The following ERCC6L2 variants were observed in gnomAD, a reference collection of about 807,000 sequenced individuals.
ERCC6L2 encodes the protein DNA excision repair protein ERCC-6-like 2.
In ERCC6L2, 77 loss-of-function variants were observed where a neutral mutation model predicts 132.0. The observed-to-expected ratio is 0.58, with a 90% CI of 0.49 to 0.71. The LOEUF (loss-of-function observed/expected upper bound fraction) is 0.71. ERCC6L2 is among the 30% of genes least tolerant of loss of function. The probability of loss-of-function intolerance (pLI) is 0.00; values close to 1 mark genes in which losing one functional copy is unlikely to be tolerated. For missense variants in ERCC6L2, 1,542 were observed against 1,837.6 expected, an observed-to-expected ratio of 0.84 and a Z score of 2.94; for synonymous variants, 583 against 632.4, an observed-to-expected ratio of 0.92 and a Z score of 1.17.
At chr9:95,996,599 G>A (rs568423686) in intron 17 of ERCC6L2, among the ~76,000 whole-genome samples, 17 of 152,328 alleles carry the variant, frequency 1.1e-4, no homozygotes, top group African/African-American at 4.1e-4. Context: ...GGGACTTTAA[G>A]TAGAAGCCAG....
chr9:96,038,746 A>T (rs1410928683), intron 19 of ERCC6L2: 1 of 405,910 alleles, frequency 2.5e-6, no homozygotes, highest in African/African-American at 2.1e-5. Context: ...GTGTCTGCAG[A>T]TTCTTTGATC....
At chr9:95,914,450 T>C (rs763431933) in intron 4 of ERCC6L2, among the ~76,000 whole-genome samples, 11 of 152,066 alleles carry the variant, frequency 7.2e-5, no homozygotes, top group Non-Finnish European at 1.2e-4. Flanking sequence ...GACTCCCTGG[T>C]TCAAGTGATT....
intron 12 of ERCC6L2, among the ~76,000 whole-genome samples, chr9:95,952,184 A>AAAAAAAAAAAAAT (rs1360334842): frequency 6.7e-6 from 1 of 150,266 alleles, no homozygotes; most frequent in Non-Finnish European, 1.5e-5. Flanking sequence ...AAAAAAAAAA[A>AAAAAAAAAAAAAT]AGAATTTGCA....
At chr9:95,991,583 A>G (rs2133159936) in intron 17 of ERCC6L2, among the ~76,000 whole-genome samples, 1 of 152,354 alleles carries the variant, frequency 6.6e-6, no homozygotes, top group East Asian at 1.9e-4. Flanking sequence ...GTCACTTCAA[A>G]GAAAACAATG....
In ERCC6L2 at chr9:96,008,681, A is replaced by C. The variant is rs577543132; in HGVS notation, c.3675-3544A>C. 5.3e-5 allele frequency among the ~76,000 whole-genome samples: 8 copies of C among 152,292 alleles called. No homozygotes were observed. In the East Asian group the frequency reaches 1.4e-3, roughly 26 times the overall value. Reference sequence around the variant, plus strand: ...TCAGAAAAGGTTGTGATGAGCTTAAACTGACTTATGAAGGCACACCCAGTG... The same window carrying C: ...TCAGAAAAGGTTGTGATGAGCTTAACCTGACTTATGAAGGCACACCCAGTG... On this transcript the variant is annotated intron_variant, in intron 18 of 18. Transcript: ENST00000653738.
At chr9:95,909,709 G>T (rs1034139401) in intron 4 of ERCC6L2, among the ~76,000 whole-genome samples, 1 of 152,120 alleles carries the variant, frequency 6.6e-6, no homozygotes, top group Non-Finnish European at 1.5e-5. Context: ...TTTGAGGATG[G>T]ATTTTTGGGT....
intron 12 of ERCC6L2, among the ~76,000 whole-genome samples, chr9:95,944,728 T>G (rs1161754273): frequency 1.3e-5 from 2 of 151,942 alleles, no homozygotes; most frequent in African/African-American, 2.4e-5. Context: ...AAAGAGACAG[T>G]ACAAAAGAGA....
At position 95,955,964 on chromosome 9, in the gene ERCC6L2, C is replaced by T; in HGVS notation, c.1898C>T (p.Ser633Phe). ...GATGTCAAAGTGCTTAGGCTGATAT[C>T]CTTGGGAACTGTGGAGGAAATCATG... Reference protein sequence around the residue: ...CRDVKVLRLISLGTVEEIMYL... With the variant: ...CRDVKVLRLIFLGTVEEIMYL... Residue 633 changes from serine (S) to phenylalanine (F), a missense_variant, in exon 13 of 19, where the codon TCC becomes TTC. By Grantham distance (155) the Ser-to-Phe change is radical. This residue lies in a region of ERCC6L2 where 945 missense variants were observed against 1,105.2 expected (regional missense o/e 0.86). Transcript: ENST00000653738. The T allele has an allele frequency of 6.2e-7, 1 of 1,607,770 alleles. No individual in the cohort carries two copies. The highest frequency in any genetic ancestry group is 8.5e-7 in the Non-Finnish European group (1 of 1,176,680).
downstream of ERCC6L2, chr9:96,019,623 C>T (rs1156761645): frequency 6.6e-6 from 1 of 152,616 alleles, no homozygotes; most frequent in Admixed American, 6.5e-5. Context: ...CCCATCACAC[C>T]TTCACCTTGC....
chr9:95,984,287 T>A (rs1365166633), intron 17 of ERCC6L2, among the ~76,000 whole-genome samples: 1 of 149,278 alleles, frequency 6.7e-6, no homozygotes, highest in East Asian at 1.9e-4. Context: ...ATGATATACA[T>A]GTTATATGTT....
chr9:95,971,319 G>A (rs142045470), intron 15 of ERCC6L2, among the ~76,000 whole-genome samples: 42 of 152,064 alleles, frequency 2.8e-4, no homozygotes, highest in African/African-American at 8.7e-4. Flanking sequence ...AATACTTTCC[G>A]CAATATTTTA....
intron 11 of ERCC6L2, among the ~76,000 whole-genome samples, chr9:95,938,281 T>C (rs1172942815): frequency 6.6e-6 from 1 of 152,090 alleles, no homozygotes; most frequent in Non-Finnish European, 1.5e-5. Context: ...GGATTTGGTC[T>C]ATCTTGGTGA....
intron 17 of ERCC6L2, among the ~76,000 whole-genome samples, chr9:95,993,110 T>C (rs998454462): frequency 1.3e-5 from 2 of 152,142 alleles, no homozygotes; most frequent in African/African-American, 4.8e-5. Flanking sequence ...CGAAAGAGAC[T>C]GGTAGGAGTC....
intron 17 of ERCC6L2, among the ~76,000 whole-genome samples, chr9:95,982,545 G>T (rs1295855430): frequency 6.2e-4 from 95 of 152,174 alleles, no homozygotes; most frequent in Non-Finnish European, 7.4e-5. Flanking sequence ...TTACAAAGTA[G>T]TCCAGTAAGC....
At chr9:95,919,882 T>A (rs1312588806) in intron 6 of ERCC6L2, among the ~76,000 whole-genome samples, 1 of 152,178 alleles carries the variant, frequency 6.6e-6, no homozygotes. Flanking sequence ...CCAGAGGAAT[T>A]AATCGAAGAT....
chr9:95,899,770 G>A (rs1205208064), intron 3 of ERCC6L2, among the ~76,000 whole-genome samples: 2 of 151,866 alleles, frequency 1.3e-5, no homozygotes, highest in Non-Finnish European at 2.9e-5. Context: ...ATAAAATAGT[G>A]TATTTGCATA....
At chr9:95,959,707 G>A (rs1831808814) in intron 13 of ERCC6L2, among the ~76,000 whole-genome samples, 3 of 151,600 alleles carry the variant, frequency 2.0e-5, no homozygotes, top group South Asian at 2.1e-4. Context: ...CCATCAAAAA[G>A]TGGGCAAAGG....
Position 96,013,348 on chromosome 9 carries a change from T to A in ERCC6L2, c.*145T>A. The A allele has an allele frequency of 1.7e-6, 1 of 581,720 alleles. No individual in the cohort carries two copies. The highest frequency in any genetic ancestry group is 2.5e-6 in the Non-Finnish European group (1 of 392,678). The allele number at this position is 581,720 out of a possible 1,614,324, so 36.0% of individuals were successfully genotyped here. ...CTTTAGGATTTTTTGAAGTCTAAAG[T>A]ATTGTCATGGATCTGTTTTTCTTGA... On this transcript the variant is annotated 3_prime_UTR_variant, in exon 19 of 19. Coordinates refer to ENST00000653738, the MANE Select transcript of ERCC6L2 (RefSeq NM_020207.7).
At chr9:95,992,422 C>A (rs1833334638) in intron 17 of ERCC6L2, among the ~76,000 whole-genome samples, 1 of 152,172 alleles carries the variant, frequency 6.6e-6, no homozygotes, top group South Asian at 2.1e-4. Context: ...AAATTCACTT[C>A]TAGCAGGATA....
Sources: gnomAD v4.1 joint callset for allele counts (sites outside exome capture counted in the v4.1 genomes callset) on GRCh38, gnomAD v4.1.1 for gene constraint, gnomAD v4.1.1 regional missense constraint, MANE v1.5 for transcripts, NCBI Gene and HGNC (gene_info 2026-07-23, HGNC 2026-07-21) for gene names.